Variants in PGM3 observed in about 807,000 individuals in gnomAD.
PGM3 encodes phosphoacetylglucosamine mutase.
PGM3 carries 40 observed loss-of-function variants against 66.2 expected under a neutral mutation model. The observed-to-expected ratio is 0.60, with a 90% CI of 0.47 to 0.79. The LOEUF (loss-of-function observed/expected upper bound fraction) is 0.79, where lower values mean the gene tolerates loss of function less well. Ranked by LOEUF, PGM3 falls within the 30% of genes least tolerant of loss-of-function variation. The probability of loss-of-function intolerance (pLI) is 0.00; values close to 1 mark genes in which losing one functional copy is unlikely to be tolerated. For synonymous variants in PGM3, 191 were observed against 224.2 expected, an observed-to-expected ratio of 0.85 and a Z score of 1.32; for missense variants, 537 against 643.4, an observed-to-expected ratio of 0.83 and a Z score of 1.79.
In PGM3 at chr6:83,167,147, AG is replaced by A; in HGVS notation, c.*2086del. On this transcript the variant is annotated 3_prime_UTR_variant, in exon 13 of 13. Transcript: ENST00000513973. ...CTTCTCATTTGACTTCTCTACTAAA[AG>A]GTAGTTTTAGACTGTCCCATTTTAT... The A allele has an allele frequency of 1.1e-6, 1 of 926,212 alleles. No individual in the cohort carries two copies. Among genetic ancestry groups the A allele is most frequent in the Non-Finnish European group, 1.3e-6 (1 of 775,934 alleles). The allele number at this position is 926,212 out of a possible 1,614,324, so 57.4% of individuals were successfully genotyped here.
chr6:83,149,540 G>A, the PGM3 span, among the ~76,000 whole-genome samples: 1 of 152,184 alleles, frequency 6.6e-6, no homozygotes, highest in African/African-American at 2.4e-5. Flanking sequence ...AAATAAGACT[G>A]AATGAAAAGG....
intron 1 of PGM3, among the ~76,000 whole-genome samples, chr6:83,192,700 T>C (rs1284047936): frequency 6.6e-6 from 1 of 151,136 alleles, no homozygotes; most frequent in Non-Finnish European, 1.5e-5. Flanking sequence ...CAAAAAGCCA[T>C]TAAAAAAAAA....
At chr6:83,174,314 C>G (rs1317418479) in intron 10 of PGM3, 60 bp downstream of exon 10, 1 of 894,174 alleles carries the variant, frequency 1.1e-6, no homozygotes, top group Non-Finnish European at 1.8e-6. Flanking sequence ...ACACTCTGTT[C>G]TGTCCATCTT....
the PGM3 span, chr6:83,153,838 T>C: frequency 6.5e-7 from 1 of 1,533,746 alleles, no homozygotes; most frequent in South Asian, 1.3e-5. Flanking sequence ...ATGTATAACT[T>C]GATAGGATGA....
At chr6:83,192,333 A>T (rs1789188990) in intron 1 of PGM3, among the ~76,000 whole-genome samples, 1 of 152,236 alleles carries the variant, frequency 6.6e-6, no homozygotes, top group African/African-American at 2.4e-5. Flanking sequence ...ACTCCCATTA[A>T]GTGGAACTTG....
the PGM3 span, among the ~76,000 whole-genome samples, chr6:83,149,439 C>G: frequency 6.6e-6 from 1 of 152,106 alleles, no homozygotes; most frequent in South Asian, 2.1e-4. Flanking sequence ...CACAGAAAGC[C>G]TTTGTGAAAC....
At chr6:83,162,809 C>T (rs1784545279), downstream of PGM3, 1 of 1,612,160 alleles carries the variant, frequency 6.2e-7, no homozygotes, top group African/African-American at 1.3e-5. Context: ...GGCCTTTATT[C>T]CAGAAGCCTC....
chr6:83,152,011 G>C, the PGM3 span: 4 of 1,613,636 alleles, frequency 2.5e-6, no homozygotes, highest in Non-Finnish European at 3.4e-6. Context: ...GAACCAATTT[G>C]GAATCTGATG....
At chr6:83,153,053 G>C in the PGM3 span, among the ~76,000 whole-genome samples, 1 of 152,152 alleles carries the variant, frequency 6.6e-6, no homozygotes, top group African/African-American at 2.4e-5. Context: ...CCTCTTTGCA[G>C]ATGTGGATAG....
chr6:83,181,051 C>G (rs1186139297), intron 6 of PGM3, among the ~76,000 whole-genome samples: 1 of 152,108 alleles, frequency 6.6e-6, no homozygotes, highest in Non-Finnish European at 1.5e-5. Context: ...TGCAGCCAGC[C>G]AAACAAAACA....
chr6:83,178,387 T>C (rs1056111923), intron 8 of PGM3, among the ~76,000 whole-genome samples: 48 of 152,174 alleles, frequency 3.2e-4, no homozygotes, highest in African/African-American at 1.2e-3. Flanking sequence ...TCCTGAGCTA[T>C]AAAACTGGCT....
In PGM3 at chr6:83,179,824, CTT is replaced by C; in HGVS notation, c.929_930del (p.Lys310ArgfsTer29). The C allele has an allele frequency of 6.2e-7, 1 of 1,611,242 alleles. No individual in the cohort carries two copies. On this transcript the variant is annotated frameshift_variant, in exon 7 of 13. Transcript: ENST00000513973. LOFTEE classifies it high-confidence loss of function. ...KIATLISSFL[K>X]ELLVEIGESL... ...CCCCACCATACCTCCACCAGGAGCT[CTT>C]TAAGGAAACTGCTAATTAACGTTGC...
At chr6:83,161,490 A>G (rs1365190946), downstream of PGM3, among the ~76,000 whole-genome samples, 4 of 152,182 alleles carry the variant, frequency 2.6e-5, no homozygotes, top group Non-Finnish European at 5.9e-5. Flanking sequence ...TTGGTAAAAG[A>G]TATTTTCGAT....
At chr6:83,174,344 C>A in intron 10 of PGM3, 30 bp downstream of exon 10, 1 of 1,126,264 alleles carries the variant, frequency 8.9e-7, no homozygotes, top group Non-Finnish European at 1.4e-6. Context: ...GTAAAGGTAA[C>A]CAAGAGTCCA....
chr6:83,161,497 C>T (rs187129957), downstream of PGM3, among the ~76,000 whole-genome samples: 2 of 152,130 alleles, frequency 1.3e-5, no homozygotes, highest in East Asian at 1.9e-4. Context: ...AAGATATTTT[C>T]GATGTATATG....
At chr6:83,163,820 A>G (rs1784794718), downstream of PGM3, among the ~76,000 whole-genome samples, 1 of 152,164 alleles carries the variant, frequency 6.6e-6, no homozygotes, top group South Asian at 2.1e-4. Context: ...TCTTAGAGAA[A>G]TTATTTAAGG....
intron 6 of PGM3, among the ~76,000 whole-genome samples, chr6:83,181,518 T>G (rs570396175): frequency 1.2e-4 from 18 of 152,278 alleles, no homozygotes; most frequent in African/African-American, 4.1e-4. Flanking sequence ...TTTCCCCACC[T>G]GATTTCCTGT....
intron 7 of PGM3, 90 bp from the exon 8 acceptor site, chr6:83,178,846 T>C: frequency 1.3e-6 from 1 of 791,338 alleles, no homozygotes; most frequent in Non-Finnish European, 2.2e-6. Flanking sequence ...ACCAAAATTA[T>C]CAGCCAGTTC....
chr6:83,171,387 G>A (rs1787085768), intron 11 of PGM3: 1 of 152,036 alleles, frequency 6.6e-6, no homozygotes, highest in Non-Finnish European at 1.5e-5. Flanking sequence ...ATATCATAAA[G>A]TTGGAAACCA....
Sources: allele counts gnomAD v4.1 joint callset (sites outside exome capture counted in the v4.1 genomes callset), GRCh38; gene constraint gnomAD v4.1.1; transcripts MANE v1.5; gene names NCBI Gene and HGNC (gene_info 2026-07-23, HGNC 2026-07-21).